PSTPIP1: variants seen among roughly 807,000 people sequenced by gnomAD.
PSTPIP1 encodes proline-serine-threonine phosphatase interacting protein 1.
In PSTPIP1, 66 loss-of-function variants were observed where a neutral mutation model predicts 69.6. The observed-to-expected ratio is 0.95, with a 90% CI of 0.78 to 1.16. PSTPIP1 has a LOEUF of 1.16. Among genes scored for constraint, PSTPIP1 ranks in the 50% most tolerant of loss-of-function variants. The pLI is 0.00. For synonymous variants in PSTPIP1, 266 were observed against 222.7 expected, an observed-to-expected ratio of 1.19 and a Z score of -1.73; for missense variants, 603 against 557.4, an observed-to-expected ratio of 1.08 and a Z score of -0.82.
In PSTPIP1 at chr15:77,037,190, G is replaced by A; in HGVS notation, c.*14G>A. On this transcript the variant is annotated 3_prime_UTR_variant, in exon 15 of 15. Transcript: ENST00000558012. ...GAGAAGCTTTGAGGAAGGGCCAGGA[G>A]CCCCTTCGGACCTGCCCTGCCAGTG... 1 of 1,582,614 alleles carries A rather than the reference G, an allele frequency of 6.3e-7. No individual in the cohort carries two copies. The highest frequency in any genetic ancestry group is 1.1e-5 in the South Asian group (1 of 88,136).
At chr15:77,001,520 G>A (rs546403078) in intron 1 of PSTPIP1, among the ~76,000 whole-genome samples, 1 of 152,368 alleles carries the variant, frequency 6.6e-6, no homozygotes, top group South Asian at 2.1e-4. Context: ...TGGCTGAGGA[G>A]TGGCCCTGGT....
At position 76,995,184 on chromosome 15, in the gene PSTPIP1, G is replaced by A. The variant is rs375519270; in HGVS notation, c.-390G>A. The A allele has an allele frequency of 8.9e-5, 107 of 1,199,226 alleles. No homozygotes were observed. The African/African-American group carries it at 1.5e-3, about 17-fold the overall frequency. 74.3% of individuals were successfully genotyped at this position (1,199,226 alleles called of 1,614,324 possible). On this transcript the variant is annotated 5_prime_UTR_variant, in exon 1 of 15. Transcript: ENST00000558012. Reference sequence around the variant, plus strand: ...TGCCTGCCTGCCTGGCCCGGCCCGAGCTCCAGCCTGCCTCTTCCACTGGCC... The same window carrying A: ...TGCCTGCCTGCCTGGCCCGGCCCGAACTCCAGCCTGCCTCTTCCACTGGCC...
chr15:77,026,476 C>T (rs1225130174), intron 5 of PSTPIP1, among the ~76,000 whole-genome samples: 1 of 152,216 alleles, frequency 6.6e-6, no homozygotes, highest in Non-Finnish European at 1.5e-5. Flanking sequence ...GAGGCTGGGG[C>T]CAGGCTAGGC....
chr15:77,025,708 G>A lies in PSTPIP1; in HGVS notation c.354+104G>A. On this transcript the variant is annotated intron_variant, in intron 5 of 14. Coordinates refer to ENST00000558012, the MANE Select transcript of PSTPIP1 (RefSeq NM_003978.5). ...TTCCTGGTAGAGCCAGTGGAGGGCG[G>A]CAGGGGTGGTGGTGGGACAGCACTC... The A allele has an allele frequency of 3.6e-6, 3 of 837,414 alleles. 1 individual carries two copies. Among genetic ancestry groups the A allele is most frequent in the Non-Finnish European group, 5.5e-6 (3 of 550,298 alleles). The allele number at this position is 837,414 out of a possible 1,614,324, so 51.9% of individuals were successfully genotyped here. A position where few individuals can be genotyped will look rare whatever the true frequency, so the allele number is the denominator to read the frequency against.
intron 9 of PSTPIP1, 80 bp from the exon 10 acceptor site, chr15:77,031,100 G>T: frequency 7.3e-7 from 1 of 1,376,542 alleles, no homozygotes; most frequent in Non-Finnish European, 1.0e-6. Context: ...GTCAGCTCCG[G>T]CTGAGCTGTG....
At chr15:77,025,379 G>C in intron 4 of PSTPIP1, 61 bp downstream of exon 4, 1 of 1,581,438 alleles carries the variant, frequency 6.3e-7, no homozygotes, top group South Asian at 1.1e-5. Flanking sequence ...TGGAGGGTTT[G>C]GGGGGACAGA....
rs1328055078 is a variant in PSTPIP1 at position 76,995,504 on chromosome 15, C to T, written c.-70C>T. On this transcript the variant is annotated 5_prime_UTR_variant, in exon 1 of 15. Coordinates refer to ENST00000558012, the MANE Select transcript of PSTPIP1 (RefSeq NM_003978.5). ...CCCTGCCAGGACTGGGACGCTGCTGCTGGCGCCTGGCCCTCCATCAGGCCA... is the reference window on the plus strand; with the variant it reads ...CCCTGCCAGGACTGGGACGCTGCTGTTGGCGCCTGGCCCTCCATCAGGCCA... 2 of 1,612,096 alleles carry T rather than the reference C, an allele frequency of 1.2e-6. No homozygotes were observed. Among genetic ancestry groups the T allele is most frequent in the East Asian group, 2.2e-5 (1 of 44,842 alleles).
intron 8 of PSTPIP1, among the ~76,000 whole-genome samples, chr15:77,029,965 G>C (rs780629410): frequency 6.6e-6 from 1 of 152,036 alleles, no homozygotes; most frequent in Non-Finnish European, 1.5e-5. Flanking sequence ...CTTGATGCCC[G>C]AATCCTACCA....
upstream of PSTPIP1, chr15:76,995,074 A>C: frequency 8.5e-7 from 1 of 1,172,752 alleles, no homozygotes; most frequent in East Asian, 6.2e-5. Flanking sequence ...GAGCACAGCA[A>C]CTCCACTTCC....
chr15:77,018,546 G>C lies in PSTPIP1; in HGVS notation c.212+15G>C, dbSNP rs1189237990. 3.9e-6 allele frequency: 6 copies of C among 1,547,130 alleles called. No homozygotes were observed. In the South Asian group the frequency reaches 6.0e-5, roughly 15 times the overall value. ...ACGGAGATCAAGTAAGATCTCCCGG[G>C]CCCTGGGGCTCACTCCTCTCCTCTG... On this transcript the variant is annotated intron_variant, in intron 3 of 14. Transcript: ENST00000558012.
intron 1 of PSTPIP1, among the ~76,000 whole-genome samples, chr15:77,005,623 A>G (rs190623486): frequency 6.8e-4 from 104 of 152,348 alleles, no homozygotes; most frequent in Non-Finnish European, 1.1e-3. Context: ...CAGAAATTGT[A>G]CCCATCAAAC....
At chr15:77,035,474 G>C (rs367828460) in intron 12 of PSTPIP1, 34 bp from the exon 13 acceptor site, 1 of 1,566,616 alleles carries the variant, frequency 6.4e-7, no homozygotes, top group East Asian at 2.4e-5. Flanking sequence ...AGTGTGGGGC[G>C]GGGACACTCA....
chr15:77,000,081 C>T (rs530353750), intron 1 of PSTPIP1, among the ~76,000 whole-genome samples: 1 of 152,304 alleles, frequency 6.6e-6, no homozygotes, highest in African/African-American at 2.4e-5. Context: ...GTGTATCTCT[C>T]CTTTGAGGCT....
intron 1 of PSTPIP1, among the ~76,000 whole-genome samples, chr15:76,996,317 G>A (rs1219329800): frequency 1.3e-5 from 2 of 152,238 alleles, no homozygotes; most frequent in East Asian, 1.9e-4. Flanking sequence ...GGCTTGGCCC[G>A]GGCCACGTAG....
rs1376513779 is a variant in PSTPIP1 at position 76,995,629 on chromosome 15, G to A, written c.36+20G>A. ...TTTTGGGTGAGTGAGGATGGTTGGG[G>A]GCACTGAACAAGTGGAGGGGGCAGA... On this transcript the variant is annotated intron_variant, in intron 1 of 14. Coordinates refer to ENST00000558012, the MANE Select transcript of PSTPIP1 (RefSeq NM_003978.5). 6.2e-7 allele frequency: 1 copy of A among 1,613,068 alleles called. No individual in the cohort carries two copies. Among genetic ancestry groups the A allele is most frequent in the Non-Finnish European group, 8.5e-7 (1 of 1,179,898 alleles).
At position 76,995,578 on chromosome 15, in the gene PSTPIP1, T is replaced by C. The variant is rs541085532; in HGVS notation, c.5T>C (p.Met2Thr). 196 of 1,613,814 alleles carry C rather than the reference T, an allele frequency of 1.2e-4. No individual in the cohort carries two copies. The East Asian group carries it at 3.9e-3, about 32-fold the overall frequency. Residue 2 changes from methionine to threonine, a missense_variant, in exon 1 of 15, where the codon ATG (methionine) becomes ACG (threonine). Coordinates refer to ENST00000558012, the MANE Select transcript of PSTPIP1 (RefSeq NM_003978.5). The part of the protein sequence containing the change: M[M>T]PQLQFKDAFW... ...TGCCGCGGCAGACGCCTGAGGATGA[T>C]GCCCCAGCTGCAGTTCAAAGATGCC...
intron 7 of PSTPIP1, among the ~76,000 whole-genome samples, chr15:77,028,966 C>T (rs2076352179): frequency 1.3e-5 from 2 of 152,204 alleles, no homozygotes; most frequent in Non-Finnish European, 2.9e-5. Flanking sequence ...GAGAAGGGCT[C>T]AGTAGGCCCA....
intron 14 of PSTPIP1, among the ~76,000 whole-genome samples, chr15:77,036,605 C>T (rs1010562570): frequency 6.6e-6 from 1 of 152,086 alleles, no homozygotes; most frequent in Non-Finnish European, 1.5e-5. Context: ...GTGTGGACTC[C>T]ACTGATGAGG....
In PSTPIP1 at chr15:76,995,202, C is replaced by T. The variant is rs2075547923; in HGVS notation, c.-372C>T. On this transcript the variant is annotated 5_prime_UTR_variant, in exon 1 of 15. Transcript: ENST00000558012. ...GGCCCGAGCTCCAGCCTGCCTCTTC[C>T]ACTGGCCACTGCCTCCCACCCAGGG... 8.3e-7 allele frequency: 1 copy of T among 1,209,440 alleles called. No individual in the cohort carries two copies. Among genetic ancestry groups the T allele is most frequent in the Non-Finnish European group, 1.0e-6 (1 of 958,866 alleles). The allele number at this position is 1,209,440 out of a possible 1,614,324, so 74.9% of individuals were successfully genotyped here. A position where few individuals can be genotyped will look rare whatever the true frequency, so the allele number is the denominator to read the frequency against.
Sources: allele counts gnomAD v4.1 joint callset (sites outside exome capture counted in the v4.1 genomes callset), GRCh38; gene constraint gnomAD v4.1.1; transcripts MANE v1.5; gene names NCBI Gene and HGNC (gene_info 2026-07-23, HGNC 2026-07-21).